The following SAMTOR variants were observed in gnomAD, a reference collection of about 807,000 sequenced individuals.
SAMTOR encodes the protein UPF0532 protein C7orf60.
the SAMTOR span, among the ~76,000 whole-genome samples, chr7:112,907,297 A>G: frequency 1.3e-5 from 2 of 152,188 alleles, no homozygotes; most frequent in African/African-American, 4.8e-5. Flanking sequence ...AAAAAAAATT[A>G]GATCAATACT....
At chr7:112,861,500 T>C in the SAMTOR span, among the ~76,000 whole-genome samples, 13 of 152,332 alleles carry the variant, frequency 8.5e-5, 1 homozygote, top group Admixed American at 8.5e-4. Flanking sequence ...GTATACATCA[T>C]GACCGTTAGT....
chr7:112,872,819 AG>A, the SAMTOR span, among the ~76,000 whole-genome samples: 1 of 151,792 alleles, frequency 6.6e-6, no homozygotes, highest in Non-Finnish European at 1.5e-5. Context: ...AAAAAAAAAA[AG>A]AAATTTAAAA....
At chr7:112,854,172 A>G in the SAMTOR span, among the ~76,000 whole-genome samples, 1 of 152,182 alleles carries the variant, frequency 6.6e-6, no homozygotes, top group Admixed American at 6.5e-5. Flanking sequence ...CTGACTCTGC[A>G]TGAGACTAGG....
the SAMTOR span, among the ~76,000 whole-genome samples, chr7:112,872,358 G>A: frequency 6.6e-6 from 1 of 151,768 alleles, no homozygotes; most frequent in Non-Finnish European, 1.5e-5. Context: ...CACATAAACA[G>A]AATTAAAAAC....
At chr7:112,825,541 T>C in the SAMTOR span, among the ~76,000 whole-genome samples, 6 of 152,240 alleles carry the variant, frequency 3.9e-5, no homozygotes, top group South Asian at 2.1e-4. Flanking sequence ...TCTTGTCTCT[T>C]GCAACCTTGC....
chr7:112,878,980 T>C, the SAMTOR span, among the ~76,000 whole-genome samples: 1 of 152,070 alleles, frequency 6.6e-6, no homozygotes, highest in South Asian at 2.1e-4. Context: ...ACTTGGTGAT[T>C]AACCAGATGT....
the SAMTOR span, among the ~76,000 whole-genome samples, chr7:112,887,573 T>C: frequency 1.8e-4 from 27 of 152,284 alleles, no homozygotes; most frequent in Non-Finnish European, 3.4e-4. Context: ...CATCTGAGCC[T>C]GGTGCTTCCT....
At chr7:112,840,922 G>A in the SAMTOR span, among the ~76,000 whole-genome samples, 3 of 149,362 alleles carry the variant, frequency 2.0e-5, no homozygotes, top group Admixed American at 1.4e-4. Context: ...AGGTATTGGT[G>A]GAACATATCT....
chr7:112,879,718 C>A, the SAMTOR span, among the ~76,000 whole-genome samples: 22 of 152,204 alleles, frequency 1.4e-4, no homozygotes, highest in South Asian at 4.1e-4. Flanking sequence ...AATTTTGATT[C>A]TGAATTTTCA....
At chr7:112,832,024 T>C in the SAMTOR span, among the ~76,000 whole-genome samples, 2 of 151,520 alleles carry the variant, frequency 1.3e-5, no homozygotes, top group Non-Finnish European at 3.0e-5. Context: ...TTTTTTTTTT[T>C]TTTTTTAGAC....
the SAMTOR span, among the ~76,000 whole-genome samples, chr7:112,873,890 G>C: frequency 6.6e-6 from 1 of 152,044 alleles, no homozygotes; most frequent in African/African-American, 2.4e-5. Context: ...TAAAAAGTGG[G>C]CTAAGGACAT....
At chr7:112,877,088 G>C in the SAMTOR span, among the ~76,000 whole-genome samples, 1 of 152,162 alleles carries the variant, frequency 6.6e-6, no homozygotes, top group Non-Finnish European at 1.5e-5. Flanking sequence ...GGGTGCAAAA[G>C]AGGAAGAAAC....
chr7:112,839,728 T>C, the SAMTOR span, among the ~76,000 whole-genome samples: 2 of 151,852 alleles, frequency 1.3e-5, no homozygotes, highest in African/African-American at 2.4e-5. Flanking sequence ...AAAACAACTA[T>C]AGATTTGTCA....
chr7:112,831,421 T>C, the SAMTOR span, among the ~76,000 whole-genome samples: 3 of 152,096 alleles, frequency 2.0e-5, no homozygotes, highest in African/African-American at 4.8e-5. Context: ...CTTTGGGAGG[T>C]TGAGGCAGGT....
the SAMTOR span, chr7:112,821,721 G>C: frequency 7.1e-6 from 11 of 1,558,598 alleles, no homozygotes; most frequent in South Asian, 1.0e-4. Flanking sequence ...AGCCTGGACT[G>C]AAAGGGGCTT....
At chr7:112,865,247 G>A in the SAMTOR span, among the ~76,000 whole-genome samples, 1 of 152,024 alleles carries the variant, frequency 6.6e-6, no homozygotes, top group South Asian at 2.1e-4. Context: ...CCAGGAGTTC[G>A]AGACCAACCT....
the SAMTOR span, among the ~76,000 whole-genome samples, chr7:112,876,567 A>C: frequency 6.6e-6 from 1 of 152,120 alleles, no homozygotes; most frequent in African/African-American, 2.4e-5. Flanking sequence ...TCTTGTACTT[A>C]TCTTCTTTCT....
chr7:112,830,728 T>C, the SAMTOR span, among the ~76,000 whole-genome samples: 2 of 152,234 alleles, frequency 1.3e-5, no homozygotes, highest in African/African-American at 4.8e-5. Flanking sequence ...TGTTCCTTGA[T>C]GTTATACAGA....
the SAMTOR span, among the ~76,000 whole-genome samples, chr7:112,897,743 A>G: frequency 1.3e-5 from 2 of 152,186 alleles, no homozygotes; most frequent in Non-Finnish European, 2.9e-5. Context: ...GACTGCATAA[A>G]AGAGAGAAAT....
Sources: gnomAD v4.1 joint callset for allele counts (sites outside exome capture counted in the v4.1 genomes callset) on GRCh38, gnomAD v4.1.1 for gene constraint, MANE v1.5 for transcripts, NCBI Gene and HGNC (gene_info 2026-07-23, HGNC 2026-07-21) for gene names.